The following RNF43 variants were observed in gnomAD, a reference collection of about 807,000 sequenced individuals.
The protein encoded by RNF43 is E3 ubiquitin-protein ligase RNF43.
A neutral mutation model predicts 78.4 loss-of-function variants in RNF43; 37 were observed. The ratio of observed to expected loss-of-function variants is 0.47; its 90% confidence interval spans 0.36 to 0.62. RNF43 has a LOEUF of 0.62. Among genes scored for constraint, RNF43 ranks in the 20% least tolerant of loss-of-function variants. RNF43 has a pLI of 0.00. For missense variants in RNF43, 774 were observed against 1,007.9 expected (o/e 0.77, Z 3.14); for synonymous variants, 347 against 395.0 (o/e 0.88, Z 1.44).
chr17:58,412,045 G>A (rs974797037), intron 2 of RNF43, among the ~76,000 whole-genome samples: 9 of 152,150 alleles, frequency 5.9e-5, no homozygotes, highest in Non-Finnish European at 8.8e-5. Flanking sequence ...GATCTGAAAA[G>A]TTTCCTTGAC....
At chr17:58,389,076 A>G (rs910719396) in intron 2 of RNF43, among the ~76,000 whole-genome samples, 3 of 152,252 alleles carry the variant, frequency 2.0e-5, no homozygotes, top group Non-Finnish European at 4.4e-5. Flanking sequence ...CTGTAAGCAG[A>G]GCAATTTAAT....
At chr17:58,383,047 C>CA (rs1973354939) in intron 2 of RNF43, among the ~76,000 whole-genome samples, 1 of 152,236 alleles carries the variant, frequency 6.6e-6, no homozygotes, top group South Asian at 2.1e-4. Context: ...CCACTGGCTT[C>CA]AGGCCATAGT....
intron 3 of RNF43, among the ~76,000 whole-genome samples, chr17:58,364,183 G>A (rs1197485115): frequency 1.3e-5 from 2 of 152,174 alleles, no homozygotes; most frequent in Non-Finnish European, 2.9e-5. Flanking sequence ...CTCATCTCAT[G>A]GGCTCCCTCT....
chr17:58,386,658 CTAT>C (rs950876086), intron 2 of RNF43, among the ~76,000 whole-genome samples: 1 of 152,134 alleles, frequency 6.6e-6, no homozygotes, highest in African/African-American at 2.4e-5. Flanking sequence ...CTTGGAATGC[CTAT>C]TATTTCTGTT....
At chr17:58,392,614 A>G (rs146363686) in intron 2 of RNF43, among the ~76,000 whole-genome samples, 2 of 152,222 alleles carry the variant, frequency 1.3e-5, no homozygotes, top group East Asian at 1.9e-4. Flanking sequence ...AAATCTAGAC[A>G]GGGGGTTATA....
chr17:58,389,947 T>C (rs1049828785), intron 2 of RNF43, among the ~76,000 whole-genome samples: 1 of 152,222 alleles, frequency 6.6e-6, no homozygotes, highest in African/African-American at 2.4e-5. Flanking sequence ...ATTGAACTAC[T>C]GCTTTTTCCA....
At chr17:58,390,046 G>C (rs903035419) in intron 2 of RNF43, among the ~76,000 whole-genome samples, 7 of 152,158 alleles carry the variant, frequency 4.6e-5, no homozygotes, top group African/African-American at 1.7e-4. Flanking sequence ...CACATGACGG[G>C]GTGCAGGGCA....
intron 2 of RNF43, among the ~76,000 whole-genome samples, chr17:58,377,267 C>T (rs976534498): frequency 6.6e-6 from 1 of 152,184 alleles, no homozygotes; most frequent in African/African-American, 2.4e-5. Context: ...CACTTAATGG[C>T]AGCTGTTTTT....
In RNF43 at chr17:58,357,853, G is replaced by T; in HGVS notation, c.1923C>A (p.Asn641Lys). ...SICPSTSSLF[N>K]LQKSSLSARH... ...GGGCAGAGAGGCTGGATTTTTGCAA[G>T]TTGAACAGACTGCTGGTACTGGGGC... The change falls in exon 9 of 10, where the codon AAC (asparagine) becomes AAA (lysine). Residue 641 changes from asparagine (N) to lysine (K), a missense_variant. By Grantham distance (94) the Asn-to-Lys change is moderately conservative (BLOSUM62 0). Transcript: ENST00000407977. This position sits in a 1 kb window ranked among gnomAD's most constrained non-coding sequence, Gnocchi z 4.5. The T allele has an allele frequency of 6.2e-7, 1 of 1,614,198 alleles. No homozygotes were observed. The highest frequency in any genetic ancestry group is 8.5e-7 in the Non-Finnish European group (1 of 1,180,028).
At position 58,362,638 on chromosome 17, in the gene RNF43, T is replaced by G; in HGVS notation, c.593A>C (p.Asp198Ala). The stretch of plus-strand genomic sequence containing the variant: ...CACCACTGTCATTAGGATCCACACA[T>G]CATAATCTGGCTGGGGAGTGAGCAG... Reference protein sequence around the residue: ...LKEPPAWPDYDVWILMTVVGT... With the variant: ...LKEPPAWPDYAVWILMTVVGT... The change falls in exon 6 of 10, where the codon GAT (aspartate) becomes GCT (alanine). Residue 198 changes from aspartate (D) to alanine (A), a missense_variant. Physicochemically the swap from Asp to Ala is moderately radical, Grantham distance 126. Transcript: ENST00000407977. 6.2e-7 allele frequency: 1 copy of G among 1,610,190 alleles called. No homozygotes were observed. The highest frequency in any genetic ancestry group is 8.5e-7 in the Non-Finnish European group (1 of 1,178,094).
intron 3 of RNF43, among the ~76,000 whole-genome samples, chr17:58,364,007 A>G (rs1972898072): frequency 6.6e-6 from 1 of 152,152 alleles, no homozygotes; most frequent in African/African-American, 2.4e-5. Flanking sequence ...GAAGGAGAAG[A>G]GAGAGGAAGA....
intron 2 of RNF43, among the ~76,000 whole-genome samples, chr17:58,386,228 C>A (rs1033831291): frequency 7.2e-5 from 11 of 152,104 alleles, no homozygotes; most frequent in Non-Finnish European, 1.3e-4. Flanking sequence ...GAGTTCGAGA[C>A]CAGCCTGGCC....
At position 58,358,405 on chromosome 17, in the gene RNF43, G is replaced by A. The variant is rs2143414444; in HGVS notation, c.1371C>T (p.Tyr457=). The change falls in exon 9 of 10, where the codon TAC becomes TAT. Residue 457 remains tyrosine, a synonymous_variant. Coordinates refer to ENST00000407977, the MANE Select transcript of RNF43 (RefSeq NM_017763.6). This position sits in a 1 kb window ranked among gnomAD's most constrained non-coding sequence, Gnocchi z 6.2. The stretch of plus-strand genomic sequence containing the variant: ...AGTCACTGGCTGGCCCATCTGCCAG[G>A]TACCCACTGCGTTCTGTGCAATAGC... The part of the protein sequence containing the change: ...GESYCTERSG[Y]LADGPASDSS... The A allele has an allele frequency of 1.2e-6, 2 of 1,614,118 alleles. No homozygotes were observed. The highest frequency in any genetic ancestry group is 8.5e-7 in the Non-Finnish European group (1 of 1,180,004).
rs142008161 is a variant in RNF43, at chr17:58,407,183, A to T, written c.252+8143T>A. ...AACCTCTGCCTCCCAGATTCAAGCG[A>T]TTCTCCTGCCTCAGCCTCCTGAGTA... On this transcript the variant is annotated intron_variant, in intron 2 of 9. Transcript: ENST00000407977. 7.1e-3 allele frequency among the ~76,000 whole-genome samples: 1,039 copies of T among 147,242 alleles called. 10 individuals are homozygous for T. Among genetic ancestry groups the T allele is most frequent in the Admixed American group, 0.012 (168 of 14,168 alleles).
rs758704321 is a variant in RNF43, at chr17:58,362,562, G to T, written c.669C>A (p.Arg223=). 1.2e-6 allele frequency: 2 copies of T among 1,607,694 alleles called. No individual in the cohort carries two copies. The highest frequency in any genetic ancestry group is 2.7e-5 in the African/African-American group (2 of 74,792). Residue 223 remains arginine, a synonymous_variant, in exon 6 of 10, where the codon CGC becomes CGA. Coordinates refer to ENST00000407977, the MANE Select transcript of RNF43 (RefSeq NM_017763.6). ...TGCTCACCGGCCTGCTGTGGCGGGG[G>T]CGGCACCGGATGCGCAGCACCGAAG... ...ILASVLRIRC[R]PRHSRPDPLQ...
intron 2 of RNF43, among the ~76,000 whole-genome samples, chr17:58,393,459 T>G (rs1973602968): frequency 6.6e-6 from 1 of 152,182 alleles, no homozygotes; most frequent in Admixed American, 6.5e-5. Flanking sequence ...TTTTTCTAAC[T>G]TACATTATTG....
At chr17:58,412,147 TAA>T (rs1227891321) in intron 2 of RNF43, among the ~76,000 whole-genome samples, 1 of 151,284 alleles carries the variant, frequency 6.6e-6, no homozygotes, top group Non-Finnish European at 1.5e-5. Flanking sequence ...AAAAGAAAAA[TAA>T]AAGAGTGGAA....
At chr17:58,407,229 C>T (rs1973930810) in intron 2 of RNF43, among the ~76,000 whole-genome samples, 1 of 152,106 alleles carries the variant, frequency 6.6e-6, no homozygotes, top group South Asian at 2.1e-4. Flanking sequence ...CAGGTGTGCA[C>T]TACCACACCC....
In RNF43 at chr17:58,408,652, G is replaced by A. The variant is rs956694624; in HGVS notation, c.252+6674C>T. ...TGAAATAACAACACACGAGGCTGTT[G>A]GTAAGTCAGAAGAGTAAAGGAACAT... On this transcript the variant is annotated intron_variant, in intron 2 of 9. Transcript: ENST00000407977. Among the ~76,000 whole-genome samples the A allele has an allele frequency of 2.0e-5, 3 of 152,200 alleles. No homozygotes were observed. In the South Asian group the frequency reaches 6.2e-4, roughly 32 times the overall value.
Sources: gnomAD v4.1 joint callset for allele counts (sites outside exome capture counted in the v4.1 genomes callset) on GRCh38, gnomAD v4.1.1 for gene constraint, Gnocchi (gnomAD v3.1) non-coding constraint, MANE v1.5 for transcripts, NCBI Gene and HGNC (gene_info 2026-07-23, HGNC 2026-07-21) for gene names.